The following NELL1 variants were observed in gnomAD, a reference collection of about 807,000 sequenced individuals.
NELL1 encodes the protein protein kinase C-binding protein NELL1.
Under a neutral mutation model 107.4 loss-of-function variants are expected in NELL1, and 76 were observed. That is an observed-to-expected ratio of 0.71 (90% CI 0.59 to 0.86). The LOEUF (loss-of-function observed/expected upper bound fraction) is 0.86, where lower values mean the gene tolerates loss of function less well. NELL1 is among the 40% of genes least tolerant of loss of function. The probability of loss-of-function intolerance (pLI) is 0.00; values close to 1 mark genes in which losing one functional copy is unlikely to be tolerated. For missense variants in NELL1, 1,024 were observed against 1,005.5 expected, an observed-to-expected ratio of 1.02 and a Z score of -0.25; for synonymous variants, 353 against 341.2, an observed-to-expected ratio of 1.03 and a Z score of -0.38.
intron 14 of NELL1, among the ~76,000 whole-genome samples, chr11:21,303,761 G>A (rs1039539410): frequency 6.6e-6 from 1 of 152,044 alleles, no homozygotes; most frequent in Non-Finnish European, 1.5e-5. Flanking sequence ...ATCAACCTAA[G>A]CGTCCATCAC....
At chr11:20,700,487 CAAAGA>C (rs1254858166) in intron 2 of NELL1, among the ~76,000 whole-genome samples, 1 of 142,942 alleles carries the variant, frequency 7.0e-6, no homozygotes, top group Non-Finnish European at 1.5e-5. Flanking sequence ...TCAAAAAAGA[CAAAGA>C]AAAAAAAATA....
intron 7 of NELL1, among the ~76,000 whole-genome samples, chr11:20,925,423 C>T (rs571653234): frequency 4.0e-5 from 6 of 150,212 alleles, no homozygotes; most frequent in South Asian, 2.1e-4. Context: ...TGGTGGTACC[C>T]GCTACCACAC....
chr11:21,350,109 G>A (rs1301982879), intron 14 of NELL1, among the ~76,000 whole-genome samples: 1 of 152,052 alleles, frequency 6.6e-6, no homozygotes, highest in East Asian at 1.9e-4. Context: ...TTTCTGATTT[G>A]AGACAGAATT....
At chr11:21,230,698 T>G (rs1027429718) in intron 14 of NELL1, among the ~76,000 whole-genome samples, 1 of 152,186 alleles carries the variant, frequency 6.6e-6, no homozygotes, top group Non-Finnish European at 1.5e-5. Flanking sequence ...TAAGTCACTA[T>G]ATTTATGGAT....
intron 4 of NELL1, among the ~76,000 whole-genome samples, chr11:20,884,232 TC>T (rs1849462438): frequency 6.6e-6 from 1 of 152,212 alleles, no homozygotes; most frequent in African/African-American, 2.4e-5. Flanking sequence ...TCACTCACTT[TC>T]CTTGACACAA....
At chr11:21,478,457 A>G (rs1199169739) in intron 15 of NELL1, among the ~76,000 whole-genome samples, 1 of 152,170 alleles carries the variant, frequency 6.6e-6, no homozygotes, top group East Asian at 1.9e-4. Flanking sequence ...GTTTAAGTAC[A>G]AAGTCTCATT....
chr11:20,938,600 G>C (rs747402149), intron 10 of NELL1, among the ~76,000 whole-genome samples: 10 of 152,108 alleles, frequency 6.6e-5, no homozygotes, highest in Non-Finnish European at 4.4e-5. Context: ...TTTGGGTAAG[G>C]TGTGGGAGCC....
chr11:21,400,206 G>A (rs117912444), intron 15 of NELL1, among the ~76,000 whole-genome samples: 2,649 of 151,768 alleles, frequency 0.017, 31 homozygotes, highest in Non-Finnish European at 0.027. Flanking sequence ...CCTCTCTGAT[G>A]CGTTTCCTAC....
intron 15 of NELL1, among the ~76,000 whole-genome samples, chr11:21,453,027 T>C (rs1172070559): frequency 6.6e-6 from 1 of 152,058 alleles, no homozygotes; most frequent in Non-Finnish European, 1.5e-5. Flanking sequence ...TAGAACATTC[T>C]CTGTATGATT....
At chr11:21,490,875 A>G (rs1361703606) in intron 15 of NELL1, among the ~76,000 whole-genome samples, 1 of 152,084 alleles carries the variant, frequency 6.6e-6, no homozygotes, top group East Asian at 1.9e-4. Flanking sequence ...AAACACATCA[A>G]AATGTCAGTC....
At chr11:21,463,189 G>A (rs1398475449) in intron 15 of NELL1, among the ~76,000 whole-genome samples, 1 of 152,020 alleles carries the variant, frequency 6.6e-6, no homozygotes, top group African/African-American at 2.4e-5. Context: ...AGGAAAATCT[G>A]TTCTCTTGTC....
chr11:21,228,010 T>C (rs2133881916), intron 13 of NELL1, among the ~76,000 whole-genome samples: 1 of 152,334 alleles, frequency 6.6e-6, no homozygotes, highest in Non-Finnish European at 1.5e-5. Flanking sequence ...TAACAAACTA[T>C]ATTGAATTTT....
At chr11:20,878,036 A>G (rs1451107897) in intron 4 of NELL1, among the ~76,000 whole-genome samples, 1 of 152,198 alleles carries the variant, frequency 6.6e-6, no homozygotes, top group Non-Finnish European at 1.5e-5. Flanking sequence ...ACATAATCAG[A>G]TTAAGCAGTA....
chr11:20,927,902 A>T (rs1477639040), intron 8 of NELL1, among the ~76,000 whole-genome samples: 4 of 152,202 alleles, frequency 2.6e-5, no homozygotes, highest in African/African-American at 7.2e-5. Context: ...CAGTGTGAGG[A>T]TATCCATTAT....
intron 5 of NELL1, among the ~76,000 whole-genome samples, chr11:20,892,604 A>C (rs1849639252): frequency 6.6e-6 from 1 of 152,200 alleles, no homozygotes; most frequent in Non-Finnish European, 1.5e-5. Context: ...AAGGAATATA[A>C]ATCATTCTAC....
At chr11:21,279,295 T>C (rs1423650324) in intron 14 of NELL1, among the ~76,000 whole-genome samples, 1 of 152,216 alleles carries the variant, frequency 6.6e-6, no homozygotes, top group Non-Finnish European at 1.5e-5. Flanking sequence ...GTAACGTTTG[T>C]TCTAGAAAAG....
intron 12 of NELL1, among the ~76,000 whole-genome samples, chr11:21,035,543 A>C (rs1206428098): frequency 6.6e-6 from 1 of 152,144 alleles, no homozygotes; most frequent in Non-Finnish European, 1.5e-5. Flanking sequence ...ACCACGATCA[A>C]GTAGGCTTTT....
chr11:20,691,512 G>A lies in NELL1; in HGVS notation c.184+13452G>A, dbSNP rs1181986018. 7.5e-3 allele frequency among the ~76,000 whole-genome samples: 1,140 copies of A among 152,020 alleles called. 7 individuals are homozygous for A. Among genetic ancestry groups the A allele is most frequent in the African/African-American group, 0.024 (1,008 of 41,432 alleles). On this transcript the variant is annotated intron_variant, in intron 2 of 19. Transcript: ENST00000357134. ...GCATGAAGGGTTGTTGAATTTTGTT[G>A]AAGGCCTTTTTTGCATTTATTGAGA...
chr11:20,783,223 G>A (rs1278097297), intron 2 of NELL1, among the ~76,000 whole-genome samples: 1 of 152,200 alleles, frequency 6.6e-6, no homozygotes, highest in East Asian at 1.9e-4. Context: ...GGAGGATGCT[G>A]AGTGGCATTT....
Sources: gnomAD v4.1 joint callset for allele counts (sites outside exome capture counted in the v4.1 genomes callset) on GRCh38, gnomAD v4.1.1 for gene constraint, MANE v1.5 for transcripts, NCBI Gene and HGNC (gene_info 2026-07-23, HGNC 2026-07-21) for gene names.